The following A1CF variants were observed in gnomAD, a reference collection of about 807,000 sequenced individuals.
A1CF encodes the protein APOBEC-1 stimulating protein.
In A1CF, 48 loss-of-function variants were observed where a neutral mutation model predicts 68.9. That is an observed-to-expected ratio of 0.70 (90% CI 0.55 to 0.89). A1CF has a LOEUF of 0.89. Ranked by LOEUF, A1CF falls within the 40% of genes least tolerant of loss-of-function variation. The pLI, the probability that A1CF is intolerant of heterozygous loss-of-function variation, is 0.00. For synonymous variants in A1CF, 272 were observed against 260.4 expected, an observed-to-expected ratio of 1.04 and a Z score of -0.43; for missense variants, 653 against 718.9, an observed-to-expected ratio of 0.91 and a Z score of 1.05.
chr10:50,850,379 T>G (rs753660733), intron 3 of A1CF, among the ~76,000 whole-genome samples: 1 of 152,226 alleles, frequency 6.6e-6, no homozygotes, highest in African/African-American at 2.4e-5. Context: ...GATTATTCAG[T>G]ATCAACGTTT....
In A1CF at chr10:50,800,954, G is replaced by A. The variant is rs1438585299; in HGVS notation, c.*5775C>T. On this transcript the variant is annotated 3_prime_UTR_variant, in exon 13 of 13. Transcript: ENST00000373997. ...TTAACGTAAGACCTGTCTGTTTTGGGATAGAAGTAACTCAACTCAAGGAAG... is the reference window on the plus strand; with the variant it reads ...TTAACGTAAGACCTGTCTGTTTTGGAATAGAAGTAACTCAACTCAAGGAAG... 1 of 152,134 alleles carries A rather than the reference G, an allele frequency of 6.6e-6. No individual in the cohort carries two copies. The highest frequency in any genetic ancestry group is 1.5e-5 in the Non-Finnish European group (1 of 68,038). 9.4% of individuals were successfully genotyped at this position (152,134 alleles called of 1,614,324 possible).
chr10:50,884,575 T>C (rs1341076646), intron 1 of A1CF, among the ~76,000 whole-genome samples: 1 of 152,248 alleles, frequency 6.6e-6, no homozygotes, highest in East Asian at 1.9e-4. Context: ...TTTTTGATGC[T>C]CCTAAACTAT....
chr10:50,820,859 A>T (rs1190891625), intron 7 of A1CF, among the ~76,000 whole-genome samples: 2 of 152,052 alleles, frequency 1.3e-5, no homozygotes, highest in African/African-American at 4.8e-5. Flanking sequence ...TTTGTTATGG[A>T]TTTGTGTCTT....
rs185753081 is a variant in A1CF at position 50,800,948 on chromosome 10, T to C, written c.*5781A>G. On this transcript the variant is annotated 3_prime_UTR_variant, in exon 13 of 13. Transcript: ENST00000373997. ...TGAAGGTTAACGTAAGACCTGTCTG[T>C]TTTGGGATAGAAGTAACTCAACTCA... The C allele has an allele frequency of 4.6e-5, 7 of 152,260 alleles. No homozygotes were observed. The highest frequency in any genetic ancestry group is 2.6e-4 in the Admixed American group (4 of 15,284). The allele number at this position is 152,260 out of a possible 1,614,324, so 9.4% of individuals were successfully genotyped here.
chr10:50,859,932 T>G lies in A1CF; in HGVS notation c.9A>C (p.Ser3=). 1 of 1,613,952 alleles carries G rather than the reference T, an allele frequency of 6.2e-7. No homozygotes were observed. Among genetic ancestry groups the G allele is most frequent in the Non-Finnish European group, 8.5e-7 (1 of 1,179,920 alleles). ...TCAATCCATCCCCGGATTTGTGATT[T>G]GATTCCATTGAGAGTGATTATCAGC... ME[S]NHKSGDGLSG... Residue 3 remains serine, a synonymous_variant, in exon 3 of 13, where the codon TCA becomes TCC. Coordinates refer to ENST00000373997, the MANE Select transcript of A1CF (RefSeq NM_014576.4).
At chr10:50,838,943 A>AT (rs1323239093) in intron 5 of A1CF, among the ~76,000 whole-genome samples, 1 of 151,864 alleles carries the variant, frequency 6.6e-6, no homozygotes, top group African/African-American at 2.4e-5. Flanking sequence ...TTTCTGTCAT[A>AT]TTTTTCCTTT....
chr10:50,827,821 T>C (rs1839033626), intron 7 of A1CF, among the ~76,000 whole-genome samples: 2 of 150,654 alleles, frequency 1.3e-5, no homozygotes, highest in Admixed American at 1.3e-4. Flanking sequence ...GGCACAAAAA[T>C]CCTTCAAAAA....
At position 50,844,123 on chromosome 10, in the gene A1CF, C is replaced by T; in HGVS notation, c.100-1G>A. On this transcript the variant is annotated splice_acceptor_variant, in intron 3 of 12. Coordinates refer to ENST00000373997, the MANE Select transcript of A1CF (RefSeq NM_014576.4). LOFTEE classifies it high-confidence loss of function. ...CACCATATTTTCTTTGTCCATTTTC[C>T]TGCAAATCCAGGGCAGGTGTGAAGG... 6.2e-7 allele frequency: 1 copy of T among 1,611,506 alleles called. No homozygotes were observed. The highest frequency in any genetic ancestry group is 2.2e-5 in the East Asian group (1 of 44,808).
chr10:50,808,632 T>TA (rs1451925319), intron 12 of A1CF, among the ~76,000 whole-genome samples: 3 of 152,178 alleles, frequency 2.0e-5, no homozygotes, highest in Non-Finnish European at 2.9e-5. Flanking sequence ...TGTCAGCTGT[T>TA]ACCTTGGTAA....
intron 6 of A1CF, among the ~76,000 whole-genome samples, chr10:50,829,015 G>A (rs1009385028): frequency 6.6e-6 from 1 of 152,140 alleles, no homozygotes; most frequent in Non-Finnish European, 1.5e-5. Flanking sequence ...GTTCTCCATG[G>A]CTACATATAT....
In A1CF at chr10:50,859,943, A is replaced by C. The variant is rs375855878; in HGVS notation, c.-3T>G. 16 of 1,613,362 alleles carry C rather than the reference A, an allele frequency of 9.9e-6. No homozygotes were observed. The highest frequency in any genetic ancestry group is 1.2e-5 in the Non-Finnish European group (14 of 1,179,624). On this transcript the variant is annotated 5_prime_UTR_variant, in exon 3 of 13. Coordinates refer to ENST00000373997, the MANE Select transcript of A1CF (RefSeq NM_014576.4). ...CCGGATTTGTGATTTGATTCCATTG[A>C]GAGTGATTATCAGCAAAAAATCAGG...
intron 11 of A1CF, among the ~76,000 whole-genome samples, chr10:50,810,450 C>G (rs1009069738): frequency 6.6e-6 from 1 of 152,164 alleles, no homozygotes; most frequent in Non-Finnish European, 1.5e-5. Flanking sequence ...TCATATGCTT[C>G]AACCTAAACA....
At chr10:50,883,732 T>C (rs1452846216) in intron 1 of A1CF, among the ~76,000 whole-genome samples, 1 of 152,202 alleles carries the variant, frequency 6.6e-6, no homozygotes, top group East Asian at 1.9e-4. Flanking sequence ...CTCTCTTAGA[T>C]AGTTGTGATA....
Position 50,806,782 on chromosome 10 carries a change from C to A in A1CF, c.1708G>T (p.Val570Phe). 1.9e-6 allele frequency: 3 copies of A among 1,613,148 alleles called. No individual in the cohort carries two copies. The highest frequency in any genetic ancestry group is 2.5e-6 in the Non-Finnish European group (3 of 1,179,534). The part of the protein sequence containing the change: ...QDLAAYTTYE[V>F]YPTFAVTARG... ...GCAGTCACTGCAAAAGTTGGGTAGA[C>A]CTCATAGGTTGTATATGCTGCTAAG... Residue 570 changes from valine (V) to phenylalanine (F), a missense_variant, in exon 13 of 13, where the codon GTC (valine) becomes TTC (phenylalanine). By Grantham distance (50) the Val-to-Phe change is conservative. Coordinates refer to ENST00000373997, the MANE Select transcript of A1CF (RefSeq NM_014576.4).
At chr10:50,824,936 A>G (rs2132376781) in intron 7 of A1CF, among the ~76,000 whole-genome samples, 1 of 152,334 alleles carries the variant, frequency 6.6e-6, no homozygotes, top group South Asian at 2.1e-4. Flanking sequence ...TGCTTGGCAC[A>G]CAGTAAGGTG....
At chr10:50,865,622 C>T (rs1476872118) in intron 1 of A1CF, among the ~76,000 whole-genome samples, 1 of 152,172 alleles carries the variant, frequency 6.6e-6, no homozygotes, top group African/African-American at 2.4e-5. Flanking sequence ...ATTCACATGC[C>T]CTGCCACTTG....
At chr10:50,835,989 A>C (rs1839469226) in intron 6 of A1CF, 85 bp downstream of exon 6, 2 of 1,233,694 alleles carry the variant, frequency 1.6e-6, no homozygotes, top group Non-Finnish European at 2.2e-6. Flanking sequence ...AAAGATAGCC[A>C]AAAAAAATTA....
intron 5 of A1CF, among the ~76,000 whole-genome samples, chr10:50,841,563 G>T (rs1347508514): frequency 6.6e-6 from 1 of 152,052 alleles, no homozygotes; most frequent in Non-Finnish European, 1.5e-5. Context: ...TCTGCAAGTA[G>T]GAAATTATAC....
At chr10:50,846,179 G>T (rs1404228234) in intron 3 of A1CF, among the ~76,000 whole-genome samples, 1 of 152,076 alleles carries the variant, frequency 6.6e-6, no homozygotes, top group East Asian at 1.9e-4. Context: ...CATGTGATGG[G>T]TATACGAAAT....
Sources: gnomAD v4.1 joint callset for allele counts (sites outside exome capture counted in the v4.1 genomes callset) on GRCh38, gnomAD v4.1.1 for gene constraint, MANE v1.5 for transcripts, NCBI Gene and HGNC (gene_info 2026-07-23, HGNC 2026-07-21) for gene names.